ABHD6: variants seen among roughly 807,000 people sequenced by gnomAD.
The protein encoded by ABHD6 is monoacylglycerol lipase ABHD6.
A neutral mutation model predicts 38.8 loss-of-function variants in ABHD6; 33 were observed. That is an observed-to-expected ratio of 0.85 (90% CI 0.64 to 1.14). The LOEUF (loss-of-function observed/expected upper bound fraction) is 1.14, where lower values mean the gene tolerates loss of function less well. Ranked by LOEUF, ABHD6 falls within the 50% of genes most tolerant of loss-of-function variation. The pLI is 0.00. For missense variants in ABHD6, 380 were observed against 422.6 expected, an observed-to-expected ratio of 0.90 and a Z score of 0.88; for synonymous variants, 147 against 161.6, an observed-to-expected ratio of 0.91 and a Z score of 0.69.
chr3:58,253,618 T>C (rs1023881493), intron 2 of ABHD6, among the ~76,000 whole-genome samples: 1 of 152,242 alleles, frequency 6.6e-6, no homozygotes, highest in African/African-American at 2.4e-5. Flanking sequence ...ATGGAACCCA[T>C]TTTGTAAATT....
intron 5 of ABHD6, 140 bp from the exon 6 acceptor site, chr3:58,270,792 G>A: frequency 1.1e-6 from 1 of 879,600 alleles, no homozygotes; most frequent in East Asian, 2.8e-5. Flanking sequence ...TCTTATAATG[G>A]ATCCAGTAGA....
At position 58,237,816 on chromosome 3, in the gene ABHD6, G is replaced by C. The variant is rs12493829; in HGVS notation, c.-191G>C. 115,180 of 151,942 alleles carry C rather than the reference G, an allele frequency of 0.76. 44,784 individuals carry two copies. Among genetic ancestry groups the C allele is most frequent in the East Asian group, 1 (5,075 of 5,090 alleles). The allele number at this position is 151,942 out of a possible 1,614,324, so 9.4% of individuals were successfully genotyped here. On this transcript the variant is annotated 5_prime_UTR_variant, in exon 1 of 10. Transcript: ENST00000478253. The stretch of plus-strand genomic sequence containing the variant: ...TGGGCTGGGCGCCGGAGCTGGGAGC[G>C]GCGCGGGTAGGAGCCCGGCGGCAGG...
In ABHD6 at chr3:58,256,631, G is replaced by A. The variant is rs2097433543; in HGVS notation, c.45G>A (p.Thr15=). The A allele has an allele frequency of 1.2e-6, 2 of 1,613,866 alleles. No homozygotes were observed. Among genetic ancestry groups the A allele is most frequent in the Non-Finnish European group, 8.5e-7 (1 of 1,180,016 alleles). ...VVNMFVIAGG[T]LAIPILAFVA... is the part of the protein sequence containing the mutation. The stretch of plus-strand genomic sequence containing the variant: ...ACATGTTTGTGATTGCGGGCGGCAC[G>A]CTGGCCATCCCAATCCTGGCATTTG... Residue 15 remains threonine, a synonymous_variant, in exon 3 of 10, where the codon ACG becomes ACA. Coordinates refer to ENST00000478253, the MANE Select transcript of ABHD6 (RefSeq NM_001320126.2). The surrounding 1 kb of genome is among the most constrained non-coding windows in gnomAD (Gnocchi z 4.3).
At chr3:58,282,869 G>A (rs2097454358) in intron 7 of ABHD6, among the ~76,000 whole-genome samples, 1 of 152,218 alleles carries the variant, frequency 6.6e-6, no homozygotes, top group South Asian at 2.1e-4. Context: ...CAAGTGCAGA[G>A]GTCAAGGTGT....
intron 7 of ABHD6, among the ~76,000 whole-genome samples, chr3:58,281,838 G>T (rs147820568): frequency 6.6e-6 from 1 of 152,160 alleles, no homozygotes; most frequent in Non-Finnish European, 1.5e-5. Context: ...AACTCAGGCC[G>T]GGTGCGGTGG....
intron 7 of ABHD6, among the ~76,000 whole-genome samples, chr3:58,279,690 A>G (rs9856205): frequency 0.032 from 4,906 of 152,230 alleles, 267 homozygotes; most frequent in African/African-American, 0.11. Flanking sequence ...AGTGTCAATG[A>G]TCTTTACAAT....
chr3:58,252,229 G>GTTTTTTTTTTTTTTT (rs10671892), intron 2 of ABHD6, among the ~76,000 whole-genome samples: 2 of 80,966 alleles, frequency 2.5e-5, no homozygotes, highest in African/African-American at 5.2e-5. Context: ...TTGACTGCTT[G>GTTTTTTTTTTTTTTT]TTTTTTTTTT....
chr3:58,285,379 T>G lies in ABHD6; in HGVS notation c.763T>G (p.Ser255Ala), dbSNP rs144570540. The G allele has an allele frequency of 6.2e-6, 10 of 1,614,056 alleles. No individual in the cohort carries two copies. The highest frequency in any genetic ancestry group is 1.7e-5 in the Admixed American group (1 of 59,998). Residue 255 changes from serine to alanine, a missense_variant, in exon 9 of 10, where the codon TCC (serine) becomes GCC (alanine). Ser to Ala is a moderately conservative substitution (Grantham distance 99). Coordinates refer to ENST00000478253, the MANE Select transcript of ABHD6 (RefSeq NM_001320126.2). The surrounding 1 kb of genome is among the most constrained non-coding windows in gnomAD (Gnocchi z 4.9). The part of the protein sequence containing the change: ...KLFLEIVSEK[S>A]RYSLHQNMDK... ...GTTTTTGGAAATCGTCAGTGAGAAG[T>G]CCAGATACTCTCTCCATCAGAACAT...
In ABHD6 at chr3:58,285,074, T is replaced by G; in HGVS notation, c.682-11T>G. 1 of 1,613,922 alleles carries G rather than the reference T, an allele frequency of 6.2e-7. No individual in the cohort carries two copies. Among genetic ancestry groups the G allele is most frequent in the Non-Finnish European group, 8.5e-7 (1 of 1,179,816 alleles). ...TCTCTTGCTCTCTAACTTTGGGTTA[T>G]TTATCCTTAGATCCTGCAAGGCCTT... On this transcript the variant is annotated splice_polypyrimidine_tract_variant and intron_variant, in intron 7 of 9. Coordinates refer to ENST00000478253, the MANE Select transcript of ABHD6 (RefSeq NM_001320126.2). This position sits in a 1 kb window ranked among gnomAD's most constrained non-coding sequence, Gnocchi z 4.9.
intron 1 of ABHD6, among the ~76,000 whole-genome samples, chr3:58,246,708 G>A (rs2097426645): frequency 6.6e-6 from 1 of 152,204 alleles, no homozygotes; most frequent in Non-Finnish European, 1.5e-5. Context: ...AATCACGAAG[G>A]AGATAAGAAT....
chr3:58,257,640 G>T lies in ABHD6; in HGVS notation c.119+935G>T, dbSNP rs1301184386. On this transcript the variant is annotated intron_variant, in intron 3 of 9. Coordinates refer to ENST00000478253, the MANE Select transcript of ABHD6 (RefSeq NM_001320126.2). This position sits in a 1 kb window ranked among gnomAD's most constrained non-coding sequence, Gnocchi z 4.8. Reference sequence around the variant, plus strand: ...AGCCTCCCAAAGTGCTGGGATTACAGGTGTGAGCCACTGCGCCTGGCCTTC... The same window carrying T: ...AGCCTCCCAAAGTGCTGGGATTACATGTGTGAGCCACTGCGCCTGGCCTTC... Among the ~76,000 whole-genome samples the T allele has an allele frequency of 1.3e-5, 2 of 152,156 alleles. No individual in the cohort carries two copies. The highest frequency in any genetic ancestry group is 4.8e-5 in the African/African-American group (2 of 41,430).
rs888187260 is a variant in ABHD6, at chr3:58,263,609, C to T, written c.120-3580C>T. On this transcript the variant is annotated intron_variant, in intron 3 of 9. Transcript: ENST00000478253. This position sits in a 1 kb window ranked among gnomAD's most constrained non-coding sequence, Gnocchi z 4.9. ...TGGTTCAAGTCATACTTGGCTCTCC[C>T]CGAGGCCCTTGCCTCTGCTGTCTCT... Among the ~76,000 whole-genome samples the T allele has an allele frequency of 2.3e-4, 35 of 152,306 alleles. No individual in the cohort carries two copies. The highest frequency in any genetic ancestry group is 8.3e-4 in the South Asian group (4 of 4,832).
chr3:58,288,947 A>G (rs143783412), intron 9 of ABHD6, among the ~76,000 whole-genome samples: 1 of 152,274 alleles, frequency 6.6e-6, no homozygotes, highest in African/African-American at 2.4e-5. Context: ...TGGCACTTAA[A>G]TTTTGTGCCT....
intron 1 of ABHD6, 62 bp from the exon 2 acceptor site, chr3:58,249,816 C>A (rs1211661104): frequency 6.6e-6 from 1 of 152,196 alleles, no homozygotes; most frequent in African/African-American, 2.4e-5. Flanking sequence ...CGGCTGTTAG[C>A]ACTTCATTCA....
intron 3 of ABHD6, among the ~76,000 whole-genome samples, chr3:58,264,444 C>CACACACAT: frequency 1.0e-5 from 1 of 97,592 alleles, no homozygotes; most frequent in Non-Finnish European, 1.9e-5. Context: ...CACACACACA[C>CACACACAT]ATATGCCAGG....
intron 9 of ABHD6, among the ~76,000 whole-genome samples, chr3:58,291,215 A>G (rs1422718083): frequency 6.6e-6 from 1 of 151,082 alleles, no homozygotes; most frequent in Non-Finnish European, 1.5e-5. Context: ...GTCTCCACCA[A>G]AAAAATACGA....
At position 58,266,187 on chromosome 3, in the gene ABHD6, G is replaced by C. The variant is rs893155207; in HGVS notation, c.120-1002G>C. 6.6e-6 allele frequency among the ~76,000 whole-genome samples: 1 copy of C among 152,294 alleles called. No homozygotes were observed. Among genetic ancestry groups the C allele is most frequent in the Admixed American group, 6.5e-5 (1 of 15,286 alleles). On this transcript the variant is annotated intron_variant, in intron 3 of 9. Transcript: ENST00000478253. This position sits in a 1 kb window ranked among gnomAD's most constrained non-coding sequence, Gnocchi z 4.0. The stretch of plus-strand genomic sequence containing the variant: ...CCAGGTGCGGTTTAACCAGCTGGAC[G>C]TCTGTAACCCAAGCACTTTGGGAGG...
rs1004407583 is a variant in ABHD6, at chr3:58,238,536, C to T, written c.-91+620C>T. The T allele has an allele frequency of 2.6e-5, 4 of 152,512 alleles. No homozygotes were observed. The allele number at this position is 152,512 out of a possible 1,614,324, so 9.4% of individuals were successfully genotyped here. A position where few individuals can be genotyped will look rare whatever the true frequency, so the allele number is the denominator to read the frequency against. Reference sequence around the variant, plus strand: ...CCGCCGGCAACTTGCGGTCCCCCGCCTACAGCGACACAGGTTTCACGGCTG... The same window carrying T: ...CCGCCGGCAACTTGCGGTCCCCCGCTTACAGCGACACAGGTTTCACGGCTG... On this transcript the variant is annotated intron_variant, in intron 1 of 9. Transcript: ENST00000478253. This position sits in a 1 kb window ranked among gnomAD's most constrained non-coding sequence, Gnocchi z 6.9.
At chr3:58,243,025 T>G (rs2097423921) in intron 1 of ABHD6, among the ~76,000 whole-genome samples, 1 of 152,200 alleles carries the variant, frequency 6.6e-6, no homozygotes, top group African/African-American at 2.4e-5. Flanking sequence ...TCCAGCTTCA[T>G]CCATGTCCCT....
Sources: gnomAD v4.1 joint callset for allele counts (sites outside exome capture counted in the v4.1 genomes callset) on GRCh38, gnomAD v4.1.1 for gene constraint, Gnocchi (gnomAD v3.1) non-coding constraint, MANE v1.5 for transcripts, NCBI Gene and HGNC (gene_info 2026-07-23, HGNC 2026-07-21) for gene names.